MSI2: variants seen among roughly 807,000 people sequenced by gnomAD.
MSI2 encodes RNA-binding protein Musashi homolog 2.
MSI2 carries 17 observed loss-of-function variants against 45.6 expected under a neutral mutation model. The observed-to-expected ratio is 0.37, with a 90% confidence interval of 0.26 to 0.56. MSI2 has a LOEUF of 0.56. Among genes scored for constraint, MSI2 ranks in the 20% least tolerant of loss-of-function variants. The probability of loss-of-function intolerance (pLI) is 0.77; values close to 1 mark genes in which losing one functional copy is unlikely to be tolerated. For missense variants in MSI2, 293 were observed against 444.2 expected, an observed-to-expected ratio of 0.66 and a Z score of 3.06; for synonymous variants, 156 against 158.2, an observed-to-expected ratio of 0.99 and a Z score of 0.11.
intron 6 of MSI2, among the ~76,000 whole-genome samples, chr17:57,486,793 C>T (rs1598323416): frequency 6.6e-6 from 1 of 152,226 alleles, no homozygotes; most frequent in East Asian, 1.9e-4. Flanking sequence ...AGTGTTGTTT[C>T]GGTTATTTTA....
In MSI2 at chr17:57,423,873, G is replaced by A. The variant is rs551073679; in HGVS notation, c.405+22402G>A. ...CAGCTTTTTCCAGTTTTTCTCTTGC[G>A]GTAGTTACAATATTATTAAAAATCC... On this transcript the variant is annotated intron_variant, in intron 6 of 13. Transcript: ENST00000284073. Among the ~76,000 whole-genome samples the A allele has an allele frequency of 1.1e-4, 16 of 152,126 alleles. No homozygotes were observed. In the South Asian group the frequency reaches 1.9e-3, roughly 18 times the overall value.
chr17:57,607,985 C>T (rs766967590), intron 8 of MSI2, among the ~76,000 whole-genome samples: 1 of 152,206 alleles, frequency 6.6e-6, no homozygotes, highest in Non-Finnish European at 1.5e-5. Context: ...CCAGGCCCCA[C>T]CTCCAACACT....
rs1913727156 is a variant in MSI2 at position 57,683,339 on chromosome 17, G to T, written c.*3822G>T. 4.3e-6 allele frequency: 1 copy of T among 230,028 alleles called. No homozygotes were observed. The highest frequency in any genetic ancestry group is 5.7e-5 in the Admixed American group (1 of 17,612). 14.2% of individuals were successfully genotyped at this position (230,028 alleles called of 1,614,324 possible). ...TTCTTGGGGGTGGGTTTTGCTTGTT[G>T]TTCCTTTTCATTTGGGGGTTTTTGG... is the stretch of plus-strand genomic sequence containing the variant. On this transcript the variant is annotated 3_prime_UTR_variant, in exon 14 of 14. Coordinates refer to ENST00000284073, the MANE Select transcript of MSI2 (RefSeq NM_138962.4). The surrounding 1 kb of genome is among the most constrained non-coding windows in gnomAD (Gnocchi z 5.2).
Position 57,632,625 on chromosome 17 carries a change from T to A in MSI2, c.727+5322T>A, listed in dbSNP as rs541290183. On this transcript the variant is annotated intron_variant, in intron 10 of 13. Transcript: ENST00000284073. ...TCCTGATCAGGCCCCATCTCAAGGT[T>A]GGCACTCCTGCCCATCACCCTTAGA... 1.6e-5 allele frequency: 17 copies of A among 1,066,154 alleles called. No individual in the cohort carries two copies. In the South Asian group the frequency reaches 6.4e-4, roughly 40 times the overall value. The allele number at this position is 1,066,154 out of a possible 1,614,324, so 66.0% of individuals were successfully genotyped here.
intron 9 of MSI2, among the ~76,000 whole-genome samples, chr17:57,622,358 T>C (rs1368404280): frequency 2.0e-5 from 3 of 152,268 alleles, no homozygotes; most frequent in Non-Finnish European, 4.4e-5. Context: ...ATGATGATTG[T>C]TGATATATTT....
intron 6 of MSI2, chr17:57,406,922 C>T (rs1436263662): frequency 6.6e-6 from 1 of 152,180 alleles, no homozygotes; most frequent in Non-Finnish European, 1.5e-5. Context: ...GGGCTTTAAC[C>T]CCTTCCTGTG....
Position 57,407,598 on chromosome 17 carries a change from G to C in MSI2, c.405+6127G>C, listed in dbSNP as rs1343215914. Among the ~76,000 whole-genome samples, 1 of 152,156 alleles carries C rather than the reference G, an allele frequency of 6.6e-6. No individual in the cohort carries two copies. Among genetic ancestry groups the C allele is most frequent in the African/African-American group, 2.4e-5 (1 of 41,432 alleles). ...CCGTGAGGCTTTGTCCTCTGAAGTG[G>C]TTCATGTAGGTGGGTTGCCCGGGGA... On this transcript the variant is annotated intron_variant, in intron 6 of 13. Coordinates refer to ENST00000284073, the MANE Select transcript of MSI2 (RefSeq NM_138962.4). This position sits in a 1 kb window ranked among gnomAD's most constrained non-coding sequence, Gnocchi z 4.1.
At chr17:57,534,608 G>A (rs1476726567) in intron 7 of MSI2, among the ~76,000 whole-genome samples, 3 of 88,540 alleles carry the variant, frequency 3.4e-5, no homozygotes, top group South Asian at 3.5e-4. Flanking sequence ...CCAGCCACCC[G>A]GGAGGCTGAG....
intron 6 of MSI2, among the ~76,000 whole-genome samples, chr17:57,507,743 G>C (rs1443169153): frequency 6.6e-6 from 1 of 152,136 alleles, no homozygotes; most frequent in Admixed American, 6.5e-5. Context: ...TCTTTGAAGG[G>C]GATGATGACC....
intron 6 of MSI2, among the ~76,000 whole-genome samples, chr17:57,515,272 C>T (rs997712747): frequency 2.0e-5 from 3 of 152,198 alleles, no homozygotes; most frequent in Non-Finnish European, 2.9e-5. Context: ...GGCATGATCT[C>T]GGCTCGCCGC....
intron 6 of MSI2, among the ~76,000 whole-genome samples, chr17:57,431,404 CTGTT>C (rs543730615): frequency 6.6e-6 from 1 of 152,334 alleles, no homozygotes; most frequent in East Asian, 1.9e-4. Context: ...GTGAAATGAG[CTGTT>C]TGTGTCCTTG....
intron 12 of MSI2, among the ~76,000 whole-genome samples, chr17:57,676,237 T>C (rs1913220154): frequency 6.6e-6 from 1 of 152,038 alleles, no homozygotes; most frequent in Non-Finnish European, 1.5e-5. Context: ...CACGCACGCA[T>C]GCATGCACAC....
chr17:57,462,030 G>A (rs2085240317), intron 6 of MSI2, among the ~76,000 whole-genome samples: 1 of 152,210 alleles, frequency 6.6e-6, no homozygotes. Context: ...TCCAAGATAA[G>A]GGTGCGGGCA....
the MSI2 span, among the ~76,000 whole-genome samples, chr17:57,693,284 G>A: frequency 6.6e-6 from 1 of 152,080 alleles, no homozygotes; most frequent in Non-Finnish European, 1.5e-5. Flanking sequence ...CTGGGTTCAA[G>A]CAATCATCCC....
intron 4 of MSI2, chr17:57,259,918 C>T (rs1002897317): frequency 6.6e-6 from 1 of 152,190 alleles, no homozygotes; most frequent in Non-Finnish European, 1.5e-5. Context: ...TGTTTATAGA[C>T]ATGTTTTGGT....
intron 6 of MSI2, among the ~76,000 whole-genome samples, chr17:57,419,513 T>G (rs4794735): frequency 3.3e-5 from 5 of 151,186 alleles, no homozygotes; most frequent in African/African-American, 1.2e-4. Flanking sequence ...CAGGTGCTCA[T>G]CAGCATGCCT....
At position 57,611,698 on chromosome 17, in the gene MSI2, C is replaced by T. The variant is rs1413920499; in HGVS notation, c.538-4272C>T. Among the ~76,000 whole-genome samples the T allele has an allele frequency of 3.1e-5, 3 of 95,904 alleles. 1 individual carries two copies. In the East Asian group the frequency reaches 7.9e-4, roughly 25 times the overall value. The allele number at this position is 95,904 out of a possible 152,430, so 62.9% of individuals were successfully genotyped here. A position where few individuals can be genotyped will look rare whatever the true frequency, so the allele number is the denominator to read the frequency against. On this transcript the variant is annotated intron_variant, in intron 8 of 13. Transcript: ENST00000284073. ...GCCACCATATTGTGACAAGACCAGG[C>T]GCCATGGAGAAGCCATGGTGGACGC...
At chr17:57,322,549 TA>T (rs113533022) in intron 5 of MSI2, among the ~76,000 whole-genome samples, 8,510 of 151,924 alleles carry the variant, frequency 0.056, 834 homozygotes, top group African/African-American at 0.19. Flanking sequence ...AGCATAGAAA[TA>T]AAAACTCCCC....
intron 6 of MSI2, among the ~76,000 whole-genome samples, chr17:57,484,579 T>C (rs2085714817): frequency 6.6e-6 from 1 of 152,230 alleles, no homozygotes; most frequent in Non-Finnish European, 1.5e-5. Flanking sequence ...AAGTGTGCCT[T>C]AAAAACAACT....
Sources: gnomAD v4.1 joint callset for allele counts (sites outside exome capture counted in the v4.1 genomes callset) on GRCh38, gnomAD v4.1.1 for gene constraint, Gnocchi (gnomAD v3.1) non-coding constraint, MANE v1.5 for transcripts, NCBI Gene and HGNC (gene_info 2026-07-23, HGNC 2026-07-21) for gene names.